APBB1: variants seen among roughly 807,000 people sequenced by gnomAD.
APBB1 encodes adaptor protein FE65a2.
APBB1 carries 22 observed loss-of-function variants against 78.4 expected under a neutral mutation model. The observed-to-expected ratio is 0.28, with a 90% confidence interval of 0.20 to 0.40. The LOEUF is 0.40. Ranked by LOEUF, APBB1 falls within the 10% of genes least tolerant of loss-of-function variation. The pLI is 1.00. For missense variants in APBB1, 749 were observed against 932.4 expected (o/e 0.80, Z 2.56); for synonymous variants, 369 against 372.7 (o/e 0.99, Z 0.12).
chr11:6,414,570 A>G (rs1241779562), intron 1 of APBB1, among the ~76,000 whole-genome samples: 1 of 152,194 alleles, frequency 6.6e-6, no homozygotes, highest in Non-Finnish European at 1.5e-5. Flanking sequence ...ATACCAAGAA[A>G]GGCTGTGTGG....
intron 2 of APBB1, among the ~76,000 whole-genome samples, chr11:6,409,427 AG>A (rs1351672899): frequency 1.3e-5 from 2 of 152,232 alleles, no homozygotes; most frequent in Admixed American, 1.3e-4. Context: ...CGCTGGGCCT[AG>A]GAACGGAAGA....
chr11:6,395,435 G>T lies in APBB1; in HGVS notation c.*99C>A. On this transcript the variant is annotated 3_prime_UTR_variant, in exon 15 of 15. Coordinates refer to ENST00000609360, the MANE Select transcript of APBB1 (RefSeq NM_001164.5). The surrounding 1 kb of genome is among the most constrained non-coding windows in gnomAD (Gnocchi z 5.2). ...TACTGGGGAGGGGCATATTTGGGAG[G>T]CCTGAGGCCTAGGAATAGCCTCTAG... is the stretch of plus-strand genomic sequence containing the variant. 1 of 1,323,960 alleles carries T rather than the reference G, an allele frequency of 7.6e-7. No individual in the cohort carries two copies. Among genetic ancestry groups the T allele is most frequent in the Non-Finnish European group, 1.0e-6 (1 of 1,001,790 alleles). The allele number at this position is 1,323,960 out of a possible 1,614,324, so 82.0% of individuals were successfully genotyped here. A position where few individuals can be genotyped will look rare whatever the true frequency, so the allele number is the denominator to read the frequency against.
chr11:6,399,153 T>C (rs943114128), intron 12 of APBB1, among the ~76,000 whole-genome samples: 2 of 152,202 alleles, frequency 1.3e-5, no homozygotes, highest in Non-Finnish European at 2.9e-5. Context: ...TTCATTTCCC[T>C]TCTCACTTCA....
chr11:6,406,775 C>G (rs1590783882), intron 2 of APBB1, among the ~76,000 whole-genome samples: 2 of 152,178 alleles, frequency 1.3e-5, no homozygotes. Flanking sequence ...CTTCTTAAAA[C>G]TGACCCATTG....
chr11:6,395,323 T>C lies in APBB1; in HGVS notation c.*211A>G. 1 of 475,198 alleles carries C rather than the reference T, an allele frequency of 2.1e-6. No homozygotes were observed. The highest frequency in any genetic ancestry group is 3.6e-6 in the Non-Finnish European group (1 of 280,148). 29.4% of individuals were successfully genotyped at this position (475,198 alleles called of 1,614,324 possible). ...GAGAACCAGGGCTGGCCTTGCTTCC[T>C]GCTCCTCTTGTTACCACTCCAGTGT... On this transcript the variant is annotated 3_prime_UTR_variant, in exon 15 of 15. Coordinates refer to ENST00000609360, the MANE Select transcript of APBB1 (RefSeq NM_001164.5). This position sits in a 1 kb window ranked among gnomAD's most constrained non-coding sequence, Gnocchi z 5.2.
Position 6,401,982 on chromosome 11 carries a change from T to C in APBB1, c.1383A>G (p.Arg461=). The C allele has an allele frequency of 6.4e-7, 1 of 1,570,056 alleles. No homozygotes were observed. Among genetic ancestry groups the C allele is most frequent in the Non-Finnish European group, 8.6e-7 (1 of 1,157,036 alleles). ...RVWGVGRDSG[R]ERDFAYVARD... ...GGGGAAAATAGGCATAGTACCTCTC[T>C]CTGGGTCCAGCAGCACAAGAGAGGC... Residue 461 remains arginine (R), a splice_region_variant and synonymous_variant, in exon 9 of 15, where the codon AGA becomes AGG. Transcript: ENST00000609360. The surrounding 1 kb of genome is among the most constrained non-coding windows in gnomAD (Gnocchi z 4.5).
chr11:6,412,035 C>G (rs10839562), intron 1 of APBB1, among the ~76,000 whole-genome samples: 35,077 of 152,204 alleles, frequency 0.23, 4,496 homozygotes, highest in Non-Finnish European at 0.3. Context: ...CATGAAGTAG[C>G]TCCCCTTGGG....
chr11:6,395,612 T>G lies in APBB1; in HGVS notation c.2055A>C (p.Val685=). 6.3e-7 allele frequency: 1 copy of G among 1,581,264 alleles called. No homozygotes were observed. The highest frequency in any genetic ancestry group is 8.6e-7 in the Non-Finnish European group (1 of 1,161,092). Residue 685 remains valine, a synonymous_variant, in exon 15 of 15, where the codon GTA becomes GTC. Transcript: ENST00000609360. The surrounding 1 kb of genome is among the most constrained non-coding windows in gnomAD (Gnocchi z 5.2). ...APPAESVARR[V]GWTVRRGVQS... ...GAACACCCCTGCGGACAGTCCACCCTACACGCCGTGCCACAGACTCAGCAG... is the reference window on the plus strand; with the variant it reads ...GAACACCCCTGCGGACAGTCCACCCGACACGCCGTGCCACAGACTCAGCAG...
intron 2 of APBB1, among the ~76,000 whole-genome samples, chr11:6,405,895 C>T (rs2134089062): frequency 6.6e-6 from 1 of 152,342 alleles, no homozygotes; most frequent in Admixed American, 6.5e-5. Context: ...ACCCTAGGGC[C>T]TCCATGCCCT....
chr11:6,405,647 C>A, intron 2 of APBB1: 1 of 985,858 alleles, frequency 1.0e-6, no homozygotes, highest in Non-Finnish European at 1.2e-6. Context: ...GCTTCACCAT[C>A]CTCAGCTTCC....
chr11:6,401,833 G>A lies in APBB1; in HGVS notation c.1388+144C>T, dbSNP rs77776071. The A allele has an allele frequency of 0.067, 95,494 of 1,422,838 alleles. 3,663 individuals carry two copies. Among genetic ancestry groups the A allele is most frequent in the Admixed American group, 0.11 (5,685 of 52,642 alleles). 88.1% of individuals were successfully genotyped at this position (1,422,838 alleles called of 1,614,324 possible). On this transcript the variant is annotated intron_variant, in intron 9 of 14. Transcript: ENST00000609360. This position sits in a 1 kb window ranked among gnomAD's most constrained non-coding sequence, Gnocchi z 4.5. ...TCCCCCATAGGTGCTGCCTTCTTGGGGGGGAGGGGTAGACAGGCAAGCATG... is the reference window on the plus strand; with the variant it reads ...TCCCCCATAGGTGCTGCCTTCTTGGAGGGGAGGGGTAGACAGGCAAGCATG...
intron 2 of APBB1, chr11:6,404,480 G>A (rs756410219): frequency 1.5e-4 from 170 of 1,148,610 alleles, no homozygotes; most frequent in East Asian, 1.2e-3. Context: ...ACACACAGGC[G>A]GACCCACACT....
chr11:6,405,991 A>C (rs1214420597), intron 2 of APBB1, among the ~76,000 whole-genome samples: 1 of 152,098 alleles, frequency 6.6e-6, no homozygotes, highest in Admixed American at 6.6e-5. Flanking sequence ...TGAGTCACAC[A>C]CACCAATCCA....
At chr11:6,397,447 CATT>C (rs1415098723) in intron 12 of APBB1, among the ~76,000 whole-genome samples, 1 of 152,218 alleles carries the variant, frequency 6.6e-6, no homozygotes, top group Non-Finnish European at 1.5e-5. Flanking sequence ...ATTTGTGTAG[CATT>C]ATTATTAACA....
intron 2 of APBB1, chr11:6,405,809 C>T: frequency 2.2e-6 from 1 of 449,824 alleles, no homozygotes; most frequent in Non-Finnish European, 2.9e-6. Context: ...TTAGCTGAGG[C>T]TCAGGGAATA....
chr11:6,402,466 C>G, intron 7 of APBB1, 110 bp downstream of exon 7: 1 of 1,294,980 alleles, frequency 7.7e-7, no homozygotes, highest in Non-Finnish European at 1.1e-6. Context: ...TTAGGATGGG[C>G]CAATATCCCC....
Position 6,401,149 on chromosome 11 carries a change from G to C in APBB1, c.1589-77C>G. 2 of 1,613,830 alleles carry C rather than the reference G, an allele frequency of 1.2e-6. No homozygotes were observed. The highest frequency in any genetic ancestry group is 1.7e-6 in the Non-Finnish European group (2 of 1,179,900). Reference sequence around the variant, plus strand: ...AGCCCCACCAGCAGGGCATAAGCTGGACACTTGCCCAGCCGAGGCCCTACT... The same window carrying C: ...AGCCCCACCAGCAGGGCATAAGCTGCACACTTGCCCAGCCGAGGCCCTACT... On this transcript the variant is annotated intron_variant, in intron 11 of 14. Transcript: ENST00000609360. The surrounding 1 kb of genome is among the most constrained non-coding windows in gnomAD (Gnocchi z 4.5).
intron 12 of APBB1, among the ~76,000 whole-genome samples, chr11:6,398,139 A>G (rs1359169869): frequency 1.3e-5 from 2 of 152,166 alleles, no homozygotes; most frequent in African/African-American, 2.4e-5. Context: ...GTCAGATTTG[A>G]TAACTCAGGA....
Position 6,401,873 on chromosome 11 carries a change from A to G in APBB1, c.1388+104T>C. 1 of 1,492,246 alleles carries G rather than the reference A, an allele frequency of 6.7e-7. No homozygotes were observed. The highest frequency in any genetic ancestry group is 9.1e-7 in the Non-Finnish European group (1 of 1,096,722). 92.4% of individuals were successfully genotyped at this position (1,492,246 alleles called of 1,614,324 possible). A position where few individuals can be genotyped will look rare whatever the true frequency, so the allele number is the denominator to read the frequency against. On this transcript the variant is annotated intron_variant, in intron 9 of 14. Transcript: ENST00000609360. This position sits in a 1 kb window ranked among gnomAD's most constrained non-coding sequence, Gnocchi z 4.5. ...AGGCAAGCATGCTGAGGTGGAGGGT[A>G]ATGGTGGAGCATAGCGGGTGGGAAG...
Sources: gnomAD v4.1 joint callset for allele counts (sites outside exome capture counted in the v4.1 genomes callset) on GRCh38, gnomAD v4.1.1 for gene constraint, Gnocchi (gnomAD v3.1) non-coding constraint, MANE v1.5 for transcripts, NCBI Gene and HGNC (gene_info 2026-07-23, HGNC 2026-07-21) for gene names.